Variants in ZNF883 observed in about 807,000 individuals in gnomAD.
ZNF883 encodes zinc finger protein 883.
chr9:113,002,766 A>G (rs1379034206), upstream of ZNF883, among the ~76,000 whole-genome samples: 1 of 152,160 alleles, frequency 6.6e-6, no homozygotes, highest in Non-Finnish European at 1.5e-5. Context: ...TGCCAATGCG[A>G]TAATATTAAG....
chr9:113,002,400 C>A (rs892835717), upstream of ZNF883, among the ~76,000 whole-genome samples: 4 of 151,778 alleles, frequency 2.6e-5, no homozygotes, highest in Non-Finnish European at 5.9e-5. Flanking sequence ...TGAATGAGAT[C>A]AGAGAGTAGA....
chr9:113,002,790 C>T (rs1027048446), upstream of ZNF883, among the ~76,000 whole-genome samples: 10 of 152,162 alleles, frequency 6.6e-5, no homozygotes, highest in Middle Eastern at 6.8e-3. Flanking sequence ...TGGAGGCCTT[C>T]GGGAGGCGAT....
intron 2 of ZNF883, among the ~76,000 whole-genome samples, chr9:113,010,604 T>C (rs1828523808): frequency 6.6e-6 from 1 of 152,218 alleles, no homozygotes; most frequent in Admixed American, 6.5e-5. Context: ...GCATGTTCAT[T>C]AGCTTGATTT....
intron 2 of ZNF883, among the ~76,000 whole-genome samples, chr9:113,004,918 G>A (rs918289203): frequency 2.6e-5 from 4 of 151,688 alleles, no homozygotes; most frequent in African/African-American, 9.7e-5. Context: ...ATTTTGTGGG[G>A]ATTTAATATA....
At chr9:112,999,280 G>C (rs1828398241), upstream of ZNF883, 1 of 152,070 alleles carries the variant, frequency 6.6e-6, no homozygotes, top group Admixed American at 6.6e-5. Flanking sequence ...TATATGTCTG[G>C]AAAACAGTTT....
chr9:113,010,310 A>C (rs961371446), intron 2 of ZNF883, among the ~76,000 whole-genome samples: 1 of 152,230 alleles, frequency 6.6e-6, no homozygotes, highest in African/African-American at 2.4e-5. Flanking sequence ...GGCTCAAGAA[A>C]GTATGTTATC....
At chr9:113,010,897 A>T (rs1455521019) in intron 2 of ZNF883, among the ~76,000 whole-genome samples, 2 of 151,772 alleles carry the variant, frequency 1.3e-5, no homozygotes, top group South Asian at 4.2e-4. Context: ...GAGGCAGAAG[A>T]ATCGCTTGAA....
chr9:113,006,334 C>A (rs1411988040), intron 2 of ZNF883, among the ~76,000 whole-genome samples: 1 of 152,112 alleles, frequency 6.6e-6, no homozygotes, highest in Non-Finnish European at 1.5e-5. Flanking sequence ...GAGTAATCGA[C>A]CCCTTGTTTA....
At chr9:113,003,540 G>C (rs972410953) in intron 2 of ZNF883, among the ~76,000 whole-genome samples, 1 of 151,192 alleles carries the variant, frequency 6.6e-6, no homozygotes, top group African/African-American at 2.4e-5. Context: ...GAGTATAGGG[G>C]CTTATGTGAC....
chr9:112,994,858 C>T (rs568726589), downstream of ZNF883, among the ~76,000 whole-genome samples: 2 of 151,730 alleles, frequency 1.3e-5, no homozygotes, highest in Non-Finnish European at 2.9e-5. Context: ...TAAATTATTG[C>T]TATCTTTTTT....
chr9:112,995,575 T>C (rs1423012287), downstream of ZNF883, among the ~76,000 whole-genome samples: 6 of 151,984 alleles, frequency 3.9e-5, no homozygotes, highest in South Asian at 2.1e-4. Flanking sequence ...CCTTCTCTCT[T>C]TCTTCTCTCT....
upstream of ZNF883, among the ~76,000 whole-genome samples, chr9:113,000,923 A>G (rs1468061098): frequency 6.6e-6 from 1 of 152,172 alleles, no homozygotes; most frequent in African/African-American, 2.4e-5. Flanking sequence ...AAATAAGTAA[A>G]AAAACCATAA....
At chr9:112,993,365 A>G (rs1451691085), downstream of ZNF883, among the ~76,000 whole-genome samples, 2 of 152,144 alleles carry the variant, frequency 1.3e-5, no homozygotes, top group Non-Finnish European at 2.9e-5. Flanking sequence ...GGTCCCTCCC[A>G]TACTTGGAGG....
At chr9:113,003,315 C>A (rs901270306) in intron 2 of ZNF883, among the ~76,000 whole-genome samples, 1 of 152,148 alleles carries the variant, frequency 6.6e-6, no homozygotes, top group African/African-American at 2.4e-5. Flanking sequence ...GCTCTTCCTT[C>A]GTCTTCTGCC....
chr9:113,010,025 G>A (rs1211832188), intron 2 of ZNF883, among the ~76,000 whole-genome samples: 1 of 152,208 alleles, frequency 6.6e-6, no homozygotes, highest in Non-Finnish European at 1.5e-5. Flanking sequence ...CTCATGCTCA[G>A]TTGAGGAACA....
At chr9:112,989,582 T>A (rs912402332) in intron 1 of ZNF883, among the ~76,000 whole-genome samples, 1 of 152,232 alleles carries the variant, frequency 6.6e-6, no homozygotes, top group Non-Finnish European at 1.5e-5. Flanking sequence ...TCTTTTTGCA[T>A]AGGATTGTCT....
At chr9:112,989,357 C>A (rs1432963284) in intron 1 of ZNF883, among the ~76,000 whole-genome samples, 1 of 152,058 alleles carries the variant, frequency 6.6e-6, no homozygotes, top group Non-Finnish European at 1.5e-5. Flanking sequence ...CCAGTTCTCC[C>A]AGCACCACTT....
At chr9:113,002,765 G>A (rs1002814230), upstream of ZNF883, among the ~76,000 whole-genome samples, 8 of 152,104 alleles carry the variant, frequency 5.3e-5, no homozygotes, top group Non-Finnish European at 1.2e-4. Context: ...TTGCCAATGC[G>A]ATAATATTAA....
chr9:113,005,599 A>ATTAC (rs1828467269), intron 2 of ZNF883, among the ~76,000 whole-genome samples: 1 of 152,200 alleles, frequency 6.6e-6, no homozygotes, highest in Non-Finnish European at 1.5e-5. Context: ...ATAAAGTCAC[A>ATTAC]TTACAACCAG....
Sources: allele counts gnomAD v4.1 joint callset (sites outside exome capture counted in the v4.1 genomes callset), GRCh38; gene constraint gnomAD v4.1.1; transcripts MANE v1.5; gene names NCBI Gene and HGNC (gene_info 2026-07-23, HGNC 2026-07-21).